SORL1: variants seen among roughly 807,000 people sequenced by gnomAD.
SORL1 encodes the protein sortilin related receptor 1, also known as sortilin-related receptor.
In SORL1, 127 loss-of-function variants were observed where a neutral mutation model predicts 273.7. The ratio of observed to expected loss-of-function variants is 0.46; its 90% CI spans 0.40 to 0.54. The LOEUF is 0.54. SORL1 is among the 20% of genes least tolerant of loss of function. SORL1 has a pLI of 0.00. For missense variants in SORL1, 2,494 were observed against 2,846.1 expected, an observed-to-expected ratio of 0.88 and a Z score of 2.81; for synonymous variants, 1,031 against 1,067.4, an observed-to-expected ratio of 0.97 and a Z score of 0.66.
intron 14 of SORL1, among the ~76,000 whole-genome samples, chr11:121,549,023 A>G (rs533749432): frequency 1.3e-5 from 2 of 152,326 alleles, no homozygotes; most frequent in East Asian, 3.9e-4. Context: ...CATTCATAGT[A>G]CAGTCACCTC....
Position 121,558,796 on chromosome 11 carries a change from C to G in SORL1, c.2869C>G (p.Leu957Val). 6.2e-7 allele frequency: 1 copy of G among 1,614,144 alleles called. No homozygotes were observed. The highest frequency in any genetic ancestry group is 8.5e-7 in the Non-Finnish European group (1 of 1,180,010). Residue 957 changes from leucine (L) to valine (V), a missense_variant, in exon 20 of 48, where the codon CTG becomes GTG. Around this residue, in one of 3 missense-constraint regions of SORL1, gnomAD observed 1,609 missense variants for 1,816.4 expected, o/e 0.89. Transcript: ENST00000260197. ...TFSGQQRSVI[L>V]DNLPHPYAIA... ...CAGTGGCCAGCAGCGCTCTGTCATT[C>G]TGGACAACCTCCCGCACCCCTATGC...
At chr11:121,548,924 G>T (rs1035847852) in intron 14 of SORL1, among the ~76,000 whole-genome samples, 9 of 152,164 alleles carry the variant, frequency 5.9e-5, no homozygotes, top group African/African-American at 2.2e-4. Context: ...GCACATGAAC[G>T]TGGAATATAT....
At chr11:121,524,269 C>T (rs73595207) in intron 11 of SORL1, among the ~76,000 whole-genome samples, 1,579 of 152,296 alleles carry the variant, frequency 0.01, 22 homozygotes, top group African/African-American at 0.036. Flanking sequence ...TTTGTTTGTG[C>T]CTTCTGCTGT....
intron 1 of SORL1, among the ~76,000 whole-genome samples, chr11:121,465,531 C>T (rs1232683915): frequency 6.6e-6 from 1 of 151,456 alleles, no homozygotes; most frequent in Non-Finnish European, 1.5e-5. Context: ...GGGTGTGTCT[C>T]CTTTTTTTTT....
At chr11:121,571,434 GT>G (rs1862841654) in intron 23 of SORL1, among the ~76,000 whole-genome samples, 1 of 152,250 alleles carries the variant, frequency 6.6e-6, no homozygotes, top group South Asian at 2.1e-4. Flanking sequence ...AACCACTGAT[GT>G]CATGTGATGA....
intron 6 of SORL1, among the ~76,000 whole-genome samples, chr11:121,499,272 C>T (rs1387542657): frequency 6.6e-6 from 1 of 152,174 alleles, no homozygotes; most frequent in Non-Finnish European, 1.5e-5. Flanking sequence ...CTGGCTCCTC[C>T]TTCTGCACAT....
intron 21 of SORL1, among the ~76,000 whole-genome samples, chr11:121,565,161 T>C (rs1271881862): frequency 6.6e-6 from 1 of 152,220 alleles, no homozygotes; most frequent in South Asian, 2.1e-4. Context: ...TAAGCTGTTA[T>C]GATTGATTAT....
chr11:121,454,882 C>T lies in SORL1; in HGVS notation c.285+2266C>T, dbSNP rs563191974. On this transcript the variant is annotated intron_variant, in intron 1 of 47. Coordinates refer to ENST00000260197, the MANE Select transcript of SORL1 (RefSeq NM_003105.6). Reference sequence around the variant, plus strand: ...AGGATGACCATTGCCTCTGTGTTTCCCTGGGGCAGACCTGGTTTCTAAGTT... The same window carrying T: ...AGGATGACCATTGCCTCTGTGTTTCTCTGGGGCAGACCTGGTTTCTAAGTT... 7.2e-5 allele frequency among the ~76,000 whole-genome samples: 11 copies of T among 152,084 alleles called. 2 individuals carry two copies. The highest frequency in any genetic ancestry group is 2.7e-4 in the African/African-American group (11 of 41,488).
rs1376804357 is a variant in SORL1, at chr11:121,509,788, G to C, written c.940-3215G>C. ...CTGCACCCAGCAGAATTTATTTTTA[G>C]TTATCAGAAATGAAAACACAAAATT... On this transcript the variant is annotated intron_variant, in intron 6 of 47. Transcript: ENST00000260197. Among the ~76,000 whole-genome samples the C allele has an allele frequency of 2.0e-5, 3 of 152,084 alleles. No homozygotes were observed. In the East Asian group the frequency reaches 5.8e-4, roughly 29 times the overall value.
intron 44 of SORL1, among the ~76,000 whole-genome samples, 161 bp downstream of exon 44, chr11:121,621,399 G>C (rs554968388): frequency 6.6e-6 from 1 of 152,360 alleles, no homozygotes; most frequent in East Asian, 1.9e-4. Flanking sequence ...AGAGGCTCCA[G>C]GGTCTGAGCC....
At chr11:121,629,163 T>G (rs1863839295) in intron 47 of SORL1, 1 of 310,266 alleles carries the variant, frequency 3.2e-6, no homozygotes, top group African/African-American at 2.1e-5. Context: ...GTGTAGGGTA[T>G]AGATAACTCA....
chr11:121,567,807 ACC>A (rs1862775391), intron 22 of SORL1, among the ~76,000 whole-genome samples: 1 of 152,164 alleles, frequency 6.6e-6, no homozygotes, highest in Non-Finnish European at 1.5e-5. Context: ...AGTGAGGTGA[ACC>A]CCTGCAAGGG....
At position 121,550,041 on chromosome 11, in the gene SORL1, C is replaced by G; in HGVS notation, c.2133C>G (p.Ser711=). 1 of 1,613,560 alleles carries G rather than the reference C, an allele frequency of 6.2e-7. No homozygotes were observed. Among genetic ancestry groups the G allele is most frequent in the South Asian group, 1.1e-5 (1 of 91,050 alleles). Residue 711 remains serine, a synonymous_variant, in exon 15 of 48, where the codon TCC becomes TCG. Coordinates refer to ENST00000260197, the MANE Select transcript of SORL1 (RefSeq NM_003105.6). The surrounding 1 kb of genome is among the most constrained non-coding windows in gnomAD (Gnocchi z 5.3). ...PDPEFSGKSY[S]PPVPCPVGST... The stretch of plus-strand genomic sequence containing the variant: ...CGGAATTTTCTGGAAAGTCATACTC[C>G]CCTCCTGTGCCTTGCCCTGTGGGTT...
At chr11:121,559,947 G>A (rs1862646646) in intron 21 of SORL1, among the ~76,000 whole-genome samples, 1 of 152,174 alleles carries the variant, frequency 6.6e-6, no homozygotes, top group Non-Finnish European at 1.5e-5. Context: ...TTCTGTTGCA[G>A]CTGGGAGAGT....
chr11:121,560,705 G>A (rs1862658515), intron 21 of SORL1, among the ~76,000 whole-genome samples: 2 of 152,318 alleles, frequency 1.3e-5, no homozygotes, highest in South Asian at 4.1e-4. Flanking sequence ...TTGGGATTGT[G>A]AAGATAGCAT....
intron 36 of SORL1, 55 bp downstream of exon 36, chr11:121,607,012 T>C: frequency 1.5e-6 from 2 of 1,336,490 alleles, no homozygotes; most frequent in Non-Finnish European, 1.1e-6. Context: ...AGGAGATTTC[T>C]GGGTATTCTG....
rs753725287 is a variant in SORL1 at position 121,522,682 on chromosome 11, C to T, written c.1501C>T (p.Pro501Ser). The change falls in exon 10 of 48, where the codon CCA (proline) becomes TCA (serine). Residue 501 changes from proline to serine, a missense_variant. Around this residue, in one of 3 missense-constraint regions of SORL1, gnomAD observed 710 missense variants for 882.5 expected, o/e 0.80. Transcript: ENST00000260197. ...GCCCATCCTGTCCAAGGAGTCGGCT[C>T]CAGGCCTCATCATCGCCACTGGTAA... ...RMPILSKESAPGLIIATGSVG... is the reference protein window; with the variant it reads ...RMPILSKESASGLIIATGSVG... The T allele has an allele frequency of 6.2e-7, 1 of 1,613,808 alleles. No individual in the cohort carries two copies. The highest frequency in any genetic ancestry group is 8.5e-7 in the Non-Finnish European group (1 of 1,179,676).
At chr11:121,510,986 G>C (rs1161718638) in intron 6 of SORL1, among the ~76,000 whole-genome samples, 1 of 151,724 alleles carries the variant, frequency 6.6e-6, no homozygotes, top group Non-Finnish European at 1.5e-5. Context: ...CAAAACCTAT[G>C]GTTTATTAAG....
At chr11:121,549,135 C>T (rs1862472537) in intron 14 of SORL1, among the ~76,000 whole-genome samples, 1 of 152,198 alleles carries the variant, frequency 6.6e-6, no homozygotes, top group African/African-American at 2.4e-5. Flanking sequence ...CACAAGAGGT[C>T]TCATGAACCT....
Sources: gnomAD v4.1 joint callset for allele counts (sites outside exome capture counted in the v4.1 genomes callset) on GRCh38, gnomAD v4.1.1 for gene constraint, gnomAD v4.1.1 regional missense constraint, Gnocchi (gnomAD v3.1) non-coding constraint, MANE v1.5 for transcripts, NCBI Gene and HGNC (gene_info 2026-07-23, HGNC 2026-07-21) for gene names.